RBM33: variants seen among roughly 807,000 people sequenced by gnomAD.
RBM33 encodes the protein RNA binding motif protein 33, also known as RNA-binding protein 33.
In RBM33, 28 loss-of-function variants were observed where a neutral mutation model predicts 132.6. The observed-to-expected ratio is 0.21, with a 90% CI of 0.16 to 0.29. The LOEUF (loss-of-function observed/expected upper bound fraction) is 0.29, where lower values mean the gene tolerates loss of function less well. Among genes scored for constraint, RBM33 ranks in the 10% least tolerant of loss-of-function variants. RBM33 has a pLI of 1.00. For missense variants in RBM33, 1,291 were observed against 1,518.5 expected (o/e 0.85, Z 2.49); for synonymous variants, 634 against 593.0 (o/e 1.07, Z -1.01).
intron 3 of RBM33, among the ~76,000 whole-genome samples, chr7:155,677,284 C>T (rs921711147): frequency 7.3e-5 from 11 of 150,696 alleles, no homozygotes; most frequent in African/African-American, 2.7e-4. Context: ...CATTGGCTCA[C>T]TGCAACCTCC....
chr7:155,731,768 T>G (rs971417539), intron 9 of RBM33, among the ~76,000 whole-genome samples: 1 of 152,174 alleles, frequency 6.6e-6, no homozygotes, highest in African/African-American at 2.4e-5. Context: ...AAACTGTGGA[T>G]AAGTGAGGAC....
chr7:155,740,154 A>C, intron 12 of RBM33, 128 bp downstream of exon 12: 1 of 1,280,050 alleles, frequency 7.8e-7, no homozygotes, highest in Admixed American at 3.2e-5. Flanking sequence ...TGTGTAGTAC[A>C]TAGTTCTGAA....
intron 5 of RBM33, among the ~76,000 whole-genome samples, chr7:155,689,096 T>C (rs1354750531): frequency 6.6e-6 from 1 of 152,128 alleles, no homozygotes; most frequent in Non-Finnish European, 1.5e-5. Flanking sequence ...TGAATCCATC[T>C]GGTCCTGGAC....
chr7:155,655,935 C>T (rs753914737), intron 1 of RBM33, among the ~76,000 whole-genome samples: 51 of 152,056 alleles, frequency 3.4e-4, no homozygotes, highest in Admixed American at 5.2e-4. Flanking sequence ...TAATTGTGAG[C>T]TGAGCTAGCT....
rs367774034 is a variant in RBM33, at chr7:155,651,078, A to C, written c.43+6159A>C. ...TTTTTAGTAGAGACGGGGTTTTGCC[A>C]CGTTGGCCAGGCTGGTCTGGAACTC... On this transcript the variant is annotated intron_variant, in intron 1 of 17. Transcript: ENST00000401878. Among the ~76,000 whole-genome samples, 49 of 152,266 alleles carry C rather than the reference A, an allele frequency of 3.2e-4. No individual in the cohort carries two copies. The East Asian group carries it at 7.3e-3, about 23-fold the overall frequency.
intron 16 of RBM33, among the ~76,000 whole-genome samples, chr7:155,773,590 AAAAAAG>A (rs1481243446): frequency 1.4e-5 from 2 of 146,420 alleles, no homozygotes; most frequent in African/African-American, 2.5e-5. Context: ...AAAAAAAAAA[AAAAAAG>A]GAGTCAGGGG....
rs1429525667 is a variant in RBM33 at position 155,673,758 on chromosome 7, G to A, written c.171+843G>A. 2.8e-4 allele frequency among the ~76,000 whole-genome samples: 18 copies of A among 64,434 alleles called. 1 individual carries two copies. The highest frequency in any genetic ancestry group is 5.1e-4 in the African/African-American group (9 of 17,700). 42.3% of individuals were successfully genotyped at this position (64,434 alleles called of 152,430 possible). A position where few individuals can be genotyped will look rare whatever the true frequency, so the allele number is the denominator to read the frequency against. The stretch of plus-strand genomic sequence containing the variant: ...TATACATACACACGTGTATATACGC[G>A]CGCATGCGCGCACACACACACACAC... On this transcript the variant is annotated intron_variant, in intron 3 of 17. Transcript: ENST00000401878.
In RBM33 at chr7:155,738,277, G is replaced by A. The variant is rs777140963; in HGVS notation, c.1611G>A (p.Pro537=). 1.2e-5 allele frequency: 19 copies of A among 1,613,806 alleles called. No homozygotes were observed. The East Asian group carries it at 1.6e-4, about 13-fold the overall frequency. Residue 537 remains proline (P), a synonymous_variant, in exon 11 of 18, where the codon CCG becomes CCA. Transcript: ENST00000401878. The part of the protein sequence containing the change: ...PVRPALQPPG[P]VGILHFSQPG... ...GACCAGCCTTGCAGCCTCCAGGTCC[G>A]GTGGGGATTCTGCACTTTAGCCAGC...
rs751883766 is a variant in RBM33 at position 155,739,751 on chromosome 7, C to T, written c.1774C>T (p.Pro592Ser). ...TCCTCCATTGCCCCCTCCGCATCAG[C>T]CTCAGCCTCAGCAACCTCAGCAACA... The part of the protein sequence containing the change: ...LHPPLPPPHQ[P>S]QPQQPQQQPP... Residue 592 changes from proline (P) to serine (S), a missense_variant, in exon 12 of 18, where the codon CCT becomes TCT. Coordinates refer to ENST00000401878, the MANE Select transcript of RBM33 (RefSeq NM_053043.3). 3.2e-6 allele frequency: 5 copies of T among 1,547,352 alleles called. No homozygotes were observed. In the East Asian group the frequency reaches 9.8e-5, roughly 30 times the overall value.
chr7:155,673,601 T>TAC (rs1799033354), intron 3 of RBM33, among the ~76,000 whole-genome samples: 1 of 108,310 alleles, frequency 9.2e-6, no homozygotes, highest in African/African-American at 3.9e-5. Context: ...TATACACACA[T>TAC]ATACATACAC....
chr7:155,665,288 G>T (rs1798771049), intron 2 of RBM33, 35 bp downstream of exon 2: 1 of 1,582,844 alleles, frequency 6.3e-7, no homozygotes, highest in Non-Finnish European at 8.7e-7. Context: ...AACTGCCTGT[G>T]CCGATCTCTC....
intron 3 of RBM33, among the ~76,000 whole-genome samples, chr7:155,673,940 G>GTTGTTGTTTGTGTTTTTT: frequency 1.8e-5 from 1 of 54,214 alleles, no homozygotes; most frequent in Non-Finnish European, 3.2e-5. Context: ...TTTAGGCTTA[G>GTTGTTGTTTGTGTTTTTT]TTTTTTTTTT....
At chr7:155,721,402 G>T (rs917902778) in intron 9 of RBM33, among the ~76,000 whole-genome samples, 1 of 151,972 alleles carries the variant, frequency 6.6e-6, no homozygotes, top group South Asian at 2.1e-4. Context: ...GTAAAGGGGG[G>T]GTGTGCTTTT....
At chr7:155,688,856 G>A (rs967690079) in intron 5 of RBM33, among the ~76,000 whole-genome samples, 1 of 152,198 alleles carries the variant, frequency 6.6e-6, no homozygotes, top group African/African-American at 2.4e-5. Context: ...GCTTTTTGAT[G>A]TGCTGCTGGA....
intron 14 of RBM33, among the ~76,000 whole-genome samples, chr7:155,748,439 A>G (rs1801589140): frequency 6.6e-6 from 1 of 152,222 alleles, no homozygotes; most frequent in Admixed American, 6.5e-5. Context: ...ATATGTGTCC[A>G]CAGGATTGTT....
At chr7:155,646,527 C>T (rs1798199570) in intron 1 of RBM33, among the ~76,000 whole-genome samples, 1 of 152,226 alleles carries the variant, frequency 6.6e-6, no homozygotes, top group Admixed American at 6.5e-5. Context: ...GCCTACCCCA[C>T]CAGCATGTTG....
intron 16 of RBM33, among the ~76,000 whole-genome samples, chr7:155,770,007 AGAG>A (rs930693924): frequency 1.8e-4 from 27 of 152,270 alleles, no homozygotes; most frequent in Non-Finnish European, 3.1e-4. Flanking sequence ...TCTGTGCTTT[AGAG>A]GAGAAGCATG....
chr7:155,741,502 A>T (rs1030041683), intron 12 of RBM33, among the ~76,000 whole-genome samples: 1 of 152,140 alleles, frequency 6.6e-6, no homozygotes, highest in African/African-American at 2.4e-5. Context: ...TAATTCTTTT[A>T]AAACTGTCAG....
chr7:155,676,441 C>A (rs1348931210), intron 3 of RBM33, among the ~76,000 whole-genome samples: 1 of 152,144 alleles, frequency 6.6e-6, no homozygotes, highest in Non-Finnish European at 1.5e-5. Flanking sequence ...TTCATAGATG[C>A]CTGTGTTGGA....
Sources: allele counts gnomAD v4.1 joint callset (sites outside exome capture counted in the v4.1 genomes callset), GRCh38; gene constraint gnomAD v4.1.1; transcripts MANE v1.5; gene names NCBI Gene and HGNC (gene_info 2026-07-23, HGNC 2026-07-21).